Variants in NLGN1 observed in about 807,000 individuals in gnomAD.
NLGN1 encodes the protein neuroligin 1, also known as neuroligin-1.
Under a neutral mutation model 65.5 loss-of-function variants are expected in NLGN1, and 12 were observed. That is an observed-to-expected ratio of 0.18 (90% confidence interval 0.12 to 0.30). The LOEUF (loss-of-function observed/expected upper bound fraction) is 0.30. NLGN1 is among the 10% of genes least tolerant of loss of function. The pLI is 1.00. For missense variants in NLGN1, 750 were observed against 1,007.1 expected (o/e 0.74, Z 3.46); for synonymous variants, 350 against 359.5 (o/e 0.97, Z 0.30).
chr3:173,871,572 A>G (rs1249620435), intron 4 of NLGN1, among the ~76,000 whole-genome samples: 1 of 152,206 alleles, frequency 6.6e-6, no homozygotes, highest in Non-Finnish European at 1.5e-5. Context: ...AATCAAGTTG[A>G]AGATATTTCA....
intron 3 of NLGN1, among the ~76,000 whole-genome samples, chr3:173,719,031 A>G (rs1305639710): frequency 6.6e-6 from 1 of 152,212 alleles, no homozygotes; most frequent in Non-Finnish European, 1.5e-5. Flanking sequence ...TCAGACTGAC[A>G]TGGAGGCTTT....
At chr3:173,551,257 G>GAA (rs1458031571) in intron 2 of NLGN1, among the ~76,000 whole-genome samples, 3 of 151,934 alleles carry the variant, frequency 2.0e-5, no homozygotes, top group African/African-American at 4.8e-5. Flanking sequence ...AGCAAAAATA[G>GAA]AGTTGAAATT....
chr3:173,413,996 C>T (rs190396875), intron 1 of NLGN1, among the ~76,000 whole-genome samples: 3 of 152,294 alleles, frequency 2.0e-5, no homozygotes, highest in Admixed American at 2.0e-4. Flanking sequence ...TAGTGAATAT[C>T]ATGAGTCCAC....
chr3:173,599,734 A>G (rs1241276788), intron 2 of NLGN1, among the ~76,000 whole-genome samples: 1 of 152,130 alleles, frequency 6.6e-6, no homozygotes, highest in African/African-American at 2.4e-5. Flanking sequence ...AGTACAGTTG[A>G]TCTTCATTAT....
chr3:174,086,637 C>T (rs1166317706), intron 4 of NLGN1, among the ~76,000 whole-genome samples: 1 of 151,612 alleles, frequency 6.6e-6, no homozygotes, highest in Admixed American at 6.6e-5. Context: ...ATTTTAATAG[C>T]CTTTGTACAT....
intron 4 of NLGN1, among the ~76,000 whole-genome samples, chr3:173,827,232 G>A (rs1454289462): frequency 6.6e-6 from 1 of 152,042 alleles, no homozygotes; most frequent in Admixed American, 6.6e-5. Context: ...GGAACAGAGA[G>A]GTAAGGGATG....
intron 4 of NLGN1, among the ~76,000 whole-genome samples, chr3:174,179,865 C>G (rs954187612): frequency 1.3e-5 from 2 of 152,070 alleles, no homozygotes; most frequent in Non-Finnish European, 2.9e-5. Flanking sequence ...CTCTGATAAA[C>G]TTTTTAACCT....
At chr3:174,091,260 C>A (rs1477151250) in intron 4 of NLGN1, among the ~76,000 whole-genome samples, 1 of 152,156 alleles carries the variant, frequency 6.6e-6, no homozygotes, top group Non-Finnish European at 1.5e-5. Context: ...GTGTTTATAG[C>A]TTTCTCTTAT....
chr3:173,632,737 A>G (rs1386827506), intron 3 of NLGN1, among the ~76,000 whole-genome samples: 1 of 151,806 alleles, frequency 6.6e-6, no homozygotes, highest in Non-Finnish European at 1.5e-5. Flanking sequence ...CCTTTTTGAG[A>G]TTTAGAGCCA....
At chr3:173,410,483 A>G (rs776625282) in intron 1 of NLGN1, among the ~76,000 whole-genome samples, 1 of 152,206 alleles carries the variant, frequency 6.6e-6, no homozygotes, top group Non-Finnish European at 1.5e-5. Flanking sequence ...AAGTTAAGAT[A>G]TGGTGTTCTA....
At chr3:173,397,514 G>A (rs1297117682), upstream of NLGN1, among the ~76,000 whole-genome samples, 2 of 151,940 alleles carry the variant, frequency 1.3e-5, no homozygotes, top group Non-Finnish European at 1.5e-5. Flanking sequence ...CCACCCTCCT[G>A]GTGGGCGTTC....
chr3:173,659,381 G>A (rs1434717690), intron 3 of NLGN1, among the ~76,000 whole-genome samples: 1 of 151,854 alleles, frequency 6.6e-6, no homozygotes, highest in Non-Finnish European at 1.5e-5. Context: ...TTTATTTGCT[G>A]TCTCCTCTAT....
chr3:173,466,409 T>C (rs1238555477), intron 2 of NLGN1, among the ~76,000 whole-genome samples: 5 of 152,154 alleles, frequency 3.3e-5, no homozygotes, highest in Admixed American at 6.6e-5. Flanking sequence ...GAGTTCCTAG[T>C]TGTAAATATT....
chr3:173,904,093 CTG>C (rs1424893830), intron 4 of NLGN1, among the ~76,000 whole-genome samples: 2 of 152,144 alleles, frequency 1.3e-5, no homozygotes, highest in African/African-American at 4.8e-5. Flanking sequence ...ACTTACACGA[CTG>C]TGGGCTGTCA....
chr3:174,080,915 C>T (rs535737030), intron 4 of NLGN1, among the ~76,000 whole-genome samples: 1 of 133,112 alleles, frequency 7.5e-6, no homozygotes, highest in African/African-American at 3.5e-5. Context: ...GGTCGCCTGA[C>T]ATTCCTGGTG....
At chr3:173,710,238 G>T (rs1768742572) in intron 3 of NLGN1, among the ~76,000 whole-genome samples, 1 of 152,024 alleles carries the variant, frequency 6.6e-6, no homozygotes, top group Non-Finnish European at 1.5e-5. Context: ...GACCAGTAAG[G>T]TATTCAGTTT....
At chr3:173,714,000 A>G (rs569313654) in intron 3 of NLGN1, among the ~76,000 whole-genome samples, 7 of 152,308 alleles carry the variant, frequency 4.6e-5, no homozygotes, top group Admixed American at 2.0e-4. Context: ...AGAAAGATGA[A>G]GGGAAAAGTA....
intron 3 of NLGN1, chr3:173,685,538 C>A (rs1480866645): frequency 1.2e-5 from 6 of 500,730 alleles, no homozygotes; most frequent in Non-Finnish European, 1.3e-5. Context: ...TCAGCCCCTG[C>A]ATAGAACAAG....
At chr3:173,943,147 GC>G (rs1344403170) in intron 4 of NLGN1, among the ~76,000 whole-genome samples, 2 of 151,910 alleles carry the variant, frequency 1.3e-5, no homozygotes, top group Non-Finnish European at 2.9e-5. Flanking sequence ...GGTCATCTGA[GC>G]CCTGGGAGGT....
Sources: gnomAD v4.1 joint callset for allele counts (sites outside exome capture counted in the v4.1 genomes callset) on GRCh38, gnomAD v4.1.1 for gene constraint, MANE v1.5 for transcripts, NCBI Gene and HGNC (gene_info 2026-07-23, HGNC 2026-07-21) for gene names.